Variants in MME observed in about 807,000 individuals in gnomAD.
MME encodes neprilysin.
MME carries 98 observed loss-of-function variants against 113.2 expected under a neutral mutation model. The ratio of observed to expected loss-of-function variants is 0.87; its 90% CI spans 0.74 to 1.02. MME has a LOEUF of 1.02. MME is among the 50% of genes least tolerant of loss of function. MME has a pLI of 0.00. For missense variants in MME, 836 were observed against 896.0 expected (o/e 0.93, Z 0.86); for synonymous variants, 292 against 300.6 (o/e 0.97, Z 0.30).
chr3:155,070,685 A>C lies in MME; in HGVS notation c.-10-13473A>C, dbSNP rs2108143917. On this transcript the variant is annotated intron_variant, in intron 1 of 22. Coordinates refer to the MME transcript ENST00000492661. ...CCTGGAAGCATTAAGGATCCAAGAG[A>C]AGTTGGGAATTGATTACATTTTGAA... is the stretch of plus-strand genomic sequence containing the variant. 2.6e-5 allele frequency among the ~76,000 whole-genome samples: 4 copies of C among 152,296 alleles called. No individual in the cohort carries two copies. The Middle Eastern group carries it at 0.01, about 389-fold the overall frequency.
intron 1 of MME, among the ~76,000 whole-genome samples, chr3:155,046,172 C>T (rs1713553325): frequency 1.3e-5 from 2 of 152,120 alleles, no homozygotes; most frequent in Admixed American, 6.6e-5. Context: ...TTTTTTCCAA[C>T]TTGTTTTCTC....
intron 12 of MME, among the ~76,000 whole-genome samples, chr3:155,142,995 C>T (rs1721232094): frequency 6.6e-6 from 1 of 152,098 alleles, no homozygotes; most frequent in East Asian, 1.9e-4. Flanking sequence ...CTAAATCTCC[C>T]TTACTTAGGT....
rs1218393299 is a variant in MME at position 155,166,928 on chromosome 3, C to G, written c.1687C>G (p.Pro563Ala). The change falls in exon 18 of 23, where the codon CCC becomes GCC. Residue 563 changes from proline to alanine, a missense_variant. Coordinates refer to ENST00000360490, the MANE Select transcript of MME (RefSeq NM_007289.4). ...CTTCCCAGCCGGCATTCTGCAGCCCCCCTTCTTTAGTGCCCAGCAGTCCAA... is the reference window on the plus strand; with the variant it reads ...CTTCCCAGCCGGCATTCTGCAGCCCGCCTTCTTTAGTGCCCAGCAGTCCAA... Reference protein sequence around the residue: ...IVFPAGILQPPFFSAQQSNSL... With the variant: ...IVFPAGILQPAFFSAQQSNSL... The G allele has an allele frequency of 1.2e-6, 2 of 1,613,586 alleles. No homozygotes were observed. Among genetic ancestry groups the G allele is most frequent in the Non-Finnish European group, 1.7e-6 (2 of 1,179,758 alleles).
chr3:155,026,279 C>G (rs1232277270), intron 1 of MME, among the ~76,000 whole-genome samples: 2 of 152,036 alleles, frequency 1.3e-5, no homozygotes, highest in East Asian at 3.9e-4. Flanking sequence ...ACTTGTCAGT[C>G]AGGAAACTCA....
chr3:155,088,983 A>C (rs919497921), intron 3 of MME, among the ~76,000 whole-genome samples: 3 of 152,210 alleles, frequency 2.0e-5, no homozygotes, highest in African/African-American at 7.2e-5. Flanking sequence ...ACAGAAGTAA[A>C]ATATTGCAGA....
At position 155,084,290 on chromosome 3, in the gene MME, A is replaced by G. The variant is rs1432091323; in HGVS notation, c.123A>G (p.Ile41Met). ...LSVLVLLLTIIAVTMIALYAT... is the reference protein window; with the variant it reads ...LSVLVLLLTIMAVTMIALYAT... Reference sequence around the variant, plus strand: ...TCCTTGTCCTGCTCCTCACCATCATAGCTGTGACAATGATCGCACTCTATG... The same window carrying G: ...TCCTTGTCCTGCTCCTCACCATCATGGCTGTGACAATGATCGCACTCTATG... Residue 41 changes from isoleucine (I) to methionine (M), a missense_variant, in exon 2 of 23, where the codon ATA (isoleucine) becomes ATG (methionine). Coordinates refer to ENST00000360490, the MANE Select transcript of MME (RefSeq NM_007289.4). The G allele has an allele frequency of 6.2e-7, 1 of 1,614,046 alleles. No individual in the cohort carries two copies. Among genetic ancestry groups the G allele is most frequent in the Non-Finnish European group, 8.5e-7 (1 of 1,180,032 alleles).
chr3:155,148,013 T>C (rs1721652260), intron 15 of MME, among the ~76,000 whole-genome samples: 1 of 152,186 alleles, frequency 6.6e-6, no homozygotes, highest in Non-Finnish European at 1.5e-5. Flanking sequence ...GAACACAGAC[T>C]CAAAACCAAG....
chr3:155,126,407 G>A (rs960305139), intron 8 of MME, among the ~76,000 whole-genome samples: 1 of 116,804 alleles, frequency 8.6e-6, no homozygotes, highest in Non-Finnish European at 1.8e-5. Flanking sequence ...GGCAGTAAAA[G>A]CTTTTTTTTT....
chr3:155,034,487 C>G (rs1437370856), intron 1 of MME, among the ~76,000 whole-genome samples: 1 of 152,110 alleles, frequency 6.6e-6, no homozygotes. Flanking sequence ...TGCAGTCTGT[C>G]TAACTTTAGA....
intron 14 of MME, 151 bp from the exon 15 acceptor site, chr3:155,146,993 G>A: frequency 1.6e-6 from 1 of 631,410 alleles, no homozygotes; most frequent in Non-Finnish European, 2.9e-6. Flanking sequence ...CCAGGAAAGA[G>A]CCATTGCAAA....
intron 1 of MME, among the ~76,000 whole-genome samples, chr3:155,060,084 C>T (rs1310460389): frequency 1.3e-5 from 2 of 152,124 alleles, no homozygotes; most frequent in African/African-American, 2.4e-5. Flanking sequence ...TTACTTTGGC[C>T]TACTAAGTCA....
chr3:155,058,196 A>C (rs1440228828), intron 1 of MME, among the ~76,000 whole-genome samples: 1 of 152,172 alleles, frequency 6.6e-6, no homozygotes, highest in Non-Finnish European at 1.5e-5. Context: ...TTTAATGAAG[A>C]CTCACGCAAT....
At chr3:155,084,922 G>T in intron 2 of MME, 137 bp from the exon 3 acceptor site, 1 of 563,676 alleles carries the variant, frequency 1.8e-6, no homozygotes, top group Non-Finnish European at 3.2e-6. Context: ...CACTGACAAT[G>T]ATATATAATG....
At chr3:155,133,663 CATATAT>C (rs61223926) in intron 8 of MME, among the ~76,000 whole-genome samples, 49,660 of 136,578 alleles carry the variant, frequency 0.36, 9,167 homozygotes, top group Non-Finnish European at 0.38. Flanking sequence ...ATACACACAC[CATATAT>C]ATATATATAT....
At chr3:155,034,771 A>C (rs957789320) in intron 1 of MME, among the ~76,000 whole-genome samples, 2 of 152,244 alleles carry the variant, frequency 1.3e-5, no homozygotes, top group African/African-American at 4.8e-5. Flanking sequence ...AAGAACTTTA[A>C]CATTTTACCC....
Position 155,181,692 on chromosome 3 carries a change from T to C in MME, c.*1233T>C, listed in dbSNP as rs893857465. ...TCTAGAATTATAAGTCACAAAGAGT[T>C]CTGGAAAAGAACTGTTTACTGCTTG... On this transcript the variant is annotated 3_prime_UTR_variant, in exon 23 of 23. Transcript: ENST00000360490. 3 of 152,156 alleles carry C rather than the reference T, an allele frequency of 2.0e-5. No homozygotes were observed. Among genetic ancestry groups the C allele is most frequent in the Admixed American group, 6.6e-5 (1 of 15,262 alleles). The allele number at this position is 152,156 out of a possible 1,614,324, so 9.4% of individuals were successfully genotyped here.
chr3:155,039,391 G>A (rs1466125090), intron 1 of MME, among the ~76,000 whole-genome samples: 2 of 152,104 alleles, frequency 1.3e-5, no homozygotes, highest in African/African-American at 4.8e-5. Flanking sequence ...AATAGGTCAG[G>A]GGTATATTGT....
In MME at chr3:155,116,676, G is replaced by A. The variant is rs199930825; in HGVS notation, c.452G>A (p.Ser151Asn). The A allele has an allele frequency of 1.2e-6, 2 of 1,612,302 alleles. No homozygotes were observed. Among genetic ancestry groups the A allele is most frequent in the South Asian group, 1.1e-5 (1 of 90,628 alleles). Residue 151 changes from serine (S) to asparagine (N), a missense_variant, in exon 6 of 23, where the codon AGC becomes AAC. Physicochemically the swap from Ser to Asn is conservative, Grantham distance 46. Transcript: ENST00000360490. Reference protein sequence around the residue: ...RSCINESAIDSRGGEPLLKLL... With the variant: ...RSCINESAIDNRGGEPLLKLL... ...TTGTTTCCAAAAGCTGCTATTGATA[G>A]CAGAGGTGGAGAACCTCTACTCAAA...
At position 155,180,826 on chromosome 3, in the gene MME, T is replaced by C; in HGVS notation, c.*367T>C. On this transcript the variant is annotated 3_prime_UTR_variant, in exon 23 of 23. Transcript: ENST00000360490. ...CTAATCAAAAGGGAAAAGAAGATGT[T>C]GAAGAATACAGTTAGGCACCAGAAG... 3.7e-6 allele frequency: 1 copy of C among 272,642 alleles called. No homozygotes were observed. The highest frequency in any genetic ancestry group is 4.0e-5 in the South Asian group (1 of 24,702). The allele number at this position is 272,642 out of a possible 1,614,324, so 16.9% of individuals were successfully genotyped here. A position where few individuals can be genotyped will look rare whatever the true frequency, so the allele number is the denominator to read the frequency against.
Sources: allele counts gnomAD v4.1 joint callset (sites outside exome capture counted in the v4.1 genomes callset), GRCh38; gene constraint gnomAD v4.1.1; transcripts MANE v1.5; gene names NCBI Gene and HGNC (gene_info 2026-07-23, HGNC 2026-07-21).